Variants in LRP1B observed in about 807,000 individuals in gnomAD.
LRP1B encodes LDL receptor related protein 1B.
LRP1B carries 217 observed loss-of-function variants against 556.6 expected under a neutral mutation model. That is an observed-to-expected ratio of 0.39 (90% confidence interval 0.35 to 0.44). The LOEUF is 0.44. Ranked by LOEUF, LRP1B falls within the 20% of genes least tolerant of loss-of-function variation. LRP1B has a pLI of 1.00. For missense variants in LRP1B, 5,053 were observed against 5,620.8 expected, an observed-to-expected ratio of 0.90 and a Z score of 3.23; for synonymous variants, 2,047 against 1,865.8, an observed-to-expected ratio of 1.10 and a Z score of -2.50.
At chr2:140,710,171 T>C (rs1184276574) in intron 37 of LRP1B, among the ~76,000 whole-genome samples, 1 of 152,070 alleles carries the variant, frequency 6.6e-6, no homozygotes, top group Non-Finnish European at 1.5e-5. Flanking sequence ...AAATATTTAC[T>C]GAGATCCTCC....
At chr2:140,387,828 C>T (rs1261671744) in intron 66 of LRP1B, among the ~76,000 whole-genome samples, 7 of 151,838 alleles carry the variant, frequency 4.6e-5, no homozygotes, top group Admixed American at 3.3e-4. Flanking sequence ...TTGTACTGAA[C>T]AATTTGGATG....
intron 40 of LRP1B, among the ~76,000 whole-genome samples, chr2:140,700,977 A>G (rs1003724899): frequency 6.6e-6 from 1 of 152,108 alleles, no homozygotes; most frequent in African/African-American, 2.4e-5. Flanking sequence ...ACCAGAAATA[A>G]TGCACTGCTT....
intron 66 of LRP1B, among the ~76,000 whole-genome samples, chr2:140,411,587 A>G (rs529570252): frequency 1.3e-5 from 2 of 152,214 alleles, no homozygotes; most frequent in South Asian, 2.1e-4. Context: ...CCCAAGTCAC[A>G]CTGCTAGTTA....
chr2:141,279,646 T>C (rs542880154), intron 3 of LRP1B, among the ~76,000 whole-genome samples: 61 of 152,194 alleles, frequency 4.0e-4, no homozygotes, highest in African/African-American at 1.5e-3. Context: ...TACATGTCTG[T>C]CATATTTCAT....
At chr2:141,952,431 C>T (rs1052361413) in intron 1 of LRP1B, among the ~76,000 whole-genome samples, 4 of 152,014 alleles carry the variant, frequency 2.6e-5, no homozygotes, top group Non-Finnish European at 2.9e-5. Flanking sequence ...TATATAGATG[C>T]CTTGAACAGA....
At position 140,314,875 on chromosome 2, in the gene LRP1B, C is replaced by T. The variant is rs139515476; in HGVS notation, c.12805+60G>A. 5.0e-5 allele frequency: 63 copies of T among 1,258,526 alleles called. No homozygotes were observed. The Middle Eastern group carries it at 5.9e-4, about 12-fold the overall frequency. The allele number at this position is 1,258,526 out of a possible 1,614,324, so 78.0% of individuals were successfully genotyped here. Reference sequence around the variant, plus strand: ...GTATATTTGTAACATTAAGCATTTTCGATTCATATATAAGGAAAAGTGAAA... The same window carrying T: ...GTATATTTGTAACATTAAGCATTTTTGATTCATATATAAGGAAAAGTGAAA... On this transcript the variant is annotated intron_variant, in intron 83 of 90. Coordinates refer to ENST00000389484, the MANE Select transcript of LRP1B (RefSeq NM_018557.3).
rs537246119 is a variant in LRP1B, at chr2:140,379,673, C to T, written c.10532-1387G>A. 1.3e-4 allele frequency among the ~76,000 whole-genome samples: 20 copies of T among 151,940 alleles called. No individual in the cohort carries two copies. The East Asian group carries it at 3.1e-3, about 24-fold the overall frequency. On this transcript the variant is annotated intron_variant, in intron 67 of 90. Transcript: ENST00000389484. ...TCATGCCACTGCATTCCAGCCTGGG[C>T]GACAAAGCAAGACTGTGCTTCGGAA...
intron 7 of LRP1B, among the ~76,000 whole-genome samples, chr2:141,114,960 A>G (rs1039972459): frequency 2.0e-5 from 3 of 152,148 alleles, no homozygotes; most frequent in Non-Finnish European, 2.9e-5. Flanking sequence ...GAGGGTAGTT[A>G]TCTCTCTAAC....
intron 1 of LRP1B, among the ~76,000 whole-genome samples, chr2:141,921,566 A>T (rs1700185125): frequency 6.6e-6 from 1 of 152,038 alleles, no homozygotes; most frequent in Admixed American, 6.6e-5. Context: ...TTGATTCCTC[A>T]CTTCCATTTC....
intron 1 of LRP1B, among the ~76,000 whole-genome samples, chr2:141,962,868 C>T (rs965750366): frequency 2.6e-5 from 4 of 151,730 alleles, no homozygotes; most frequent in Non-Finnish European, 5.9e-5. Flanking sequence ...GAATATGATT[C>T]GTTTTCCTTC....
At chr2:140,909,261 C>A (rs1009165978) in intron 21 of LRP1B, among the ~76,000 whole-genome samples, 1 of 151,932 alleles carries the variant, frequency 6.6e-6, no homozygotes. Flanking sequence ...GACTACATAC[C>A]AGCATCTTAT....
chr2:141,276,739 C>G (rs1284871486), intron 3 of LRP1B, among the ~76,000 whole-genome samples: 2 of 148,806 alleles, frequency 1.3e-5, no homozygotes, highest in African/African-American at 5.0e-5. Context: ...TCACTGCAAG[C>G]TCCGCCTCCC....
chr2:140,785,094 T>C (rs1332748597), intron 32 of LRP1B, among the ~76,000 whole-genome samples: 1 of 152,100 alleles, frequency 6.6e-6, no homozygotes, highest in Non-Finnish European at 1.5e-5. Context: ...AAAGACATTA[T>C]AGTATAATAG....
intron 3 of LRP1B, among the ~76,000 whole-genome samples, chr2:141,401,459 T>C (rs1459457079): frequency 6.6e-6 from 1 of 152,164 alleles, no homozygotes; most frequent in Non-Finnish European, 1.5e-5. Context: ...AAAAATTACA[T>C]GTATCTATCA....
At chr2:141,085,555 A>T (rs1273610426) in intron 7 of LRP1B, among the ~76,000 whole-genome samples, 1 of 152,168 alleles carries the variant, frequency 6.6e-6, no homozygotes, top group Non-Finnish European at 1.5e-5. Flanking sequence ...TGCCAGCCAA[A>T]GAAAGAGAGA....
At chr2:141,405,614 T>C (rs1462528936) in intron 3 of LRP1B, among the ~76,000 whole-genome samples, 1 of 152,150 alleles carries the variant, frequency 6.6e-6, no homozygotes, top group African/African-American at 2.4e-5. Flanking sequence ...TGGTCATTTA[T>C]GTAAGAAGAC....
chr2:141,532,144 T>A (rs1402175352), intron 2 of LRP1B, among the ~76,000 whole-genome samples: 1 of 152,210 alleles, frequency 6.6e-6, no homozygotes, highest in African/African-American at 2.4e-5. Flanking sequence ...ATTGTTGGCA[T>A]CTGAACATCC....
At position 140,343,490 on chromosome 2, in the gene LRP1B, T is replaced by G. The variant is rs1367214303; in HGVS notation, c.11892+7307A>C. 3.3e-5 allele frequency among the ~76,000 whole-genome samples: 5 copies of G among 151,726 alleles called. No homozygotes were observed. In the East Asian group the frequency reaches 9.7e-4, roughly 30 times the overall value. On this transcript the variant is annotated intron_variant, in intron 77 of 90. Coordinates refer to ENST00000389484, the MANE Select transcript of LRP1B (RefSeq NM_018557.3). ...ATAACAAGACAAAAATCAAACGAAT[T>G]ATGTATCTCAAAATATAAATATTGA... is the stretch of plus-strand genomic sequence containing the variant.
chr2:141,464,042 T>C (rs1682059304), intron 3 of LRP1B, among the ~76,000 whole-genome samples: 1 of 152,038 alleles, frequency 6.6e-6, no homozygotes, highest in Non-Finnish European at 1.5e-5. Flanking sequence ...ATATGAGTTG[T>C]TAATACTAGA....
Sources: gnomAD v4.1 joint callset for allele counts (sites outside exome capture counted in the v4.1 genomes callset) on GRCh38, gnomAD v4.1.1 for gene constraint, MANE v1.5 for transcripts, NCBI Gene and HGNC (gene_info 2026-07-23, HGNC 2026-07-21) for gene names.